The following CSMD1 variants were observed in gnomAD, a reference collection of about 807,000 sequenced individuals.
CSMD1 encodes CUB and sushi domain-containing protein 1.
CSMD1 carries 213 observed loss-of-function variants against 417.5 expected under a neutral mutation model. The ratio of observed to expected loss-of-function variants is 0.51; its 90% CI spans 0.46 to 0.57. CSMD1 has a LOEUF of 0.57. CSMD1 is among the 20% of genes least tolerant of loss of function. The probability of loss-of-function intolerance (pLI) is 0.00; values close to 1 mark genes in which losing one functional copy is unlikely to be tolerated. For synonymous variants in CSMD1, 2,862 were observed against 1,736.8 expected, an observed-to-expected ratio of 1.65 and a Z score of -16.11; for missense variants, 6,923 against 4,529.7, an observed-to-expected ratio of 1.53 and a Z score of -15.17.
chr8:4,235,006 A>G (rs1001049260), intron 3 of CSMD1, among the ~76,000 whole-genome samples: 22 of 152,270 alleles, frequency 1.4e-4, no homozygotes, highest in African/African-American at 3.6e-4. Flanking sequence ...AGCTCTAAAT[A>G]CCATCGTATT....
intron 1 of CSMD1, among the ~76,000 whole-genome samples, chr8:4,993,505 A>C (rs1435875337): frequency 6.6e-6 from 1 of 151,898 alleles, no homozygotes. Flanking sequence ...TAGGCTACTT[A>C]GAAGAAAACA....
chr8:3,834,684 T>C (rs191942575), intron 5 of CSMD1, among the ~76,000 whole-genome samples: 103 of 152,196 alleles, frequency 6.8e-4, no homozygotes, highest in Middle Eastern at 6.8e-3. Flanking sequence ...CCACAGAACG[T>C]GTAGTTGGTG....
At chr8:4,225,807 G>C (rs10105671) in intron 3 of CSMD1, among the ~76,000 whole-genome samples, 1 of 151,780 alleles carries the variant, frequency 6.6e-6, no homozygotes, top group Admixed American at 6.6e-5. Flanking sequence ...TTTATTGCAT[G>C]ACATTCTTAG....
intron 16 of CSMD1, among the ~76,000 whole-genome samples, chr8:3,397,852 T>C (rs957461828): frequency 6.6e-6 from 1 of 152,074 alleles, no homozygotes; most frequent in Non-Finnish European, 1.5e-5. Context: ...GGCAATACCA[T>C]CAGCACAGAG....
chr8:3,671,348 G>T (rs938492984), intron 7 of CSMD1, among the ~76,000 whole-genome samples: 1 of 147,520 alleles, frequency 6.8e-6, no homozygotes, highest in African/African-American at 2.5e-5. Context: ...ATGCTGTATT[G>T]TATTTAATTT....
At chr8:4,102,488 G>A (rs1303559903) in intron 3 of CSMD1, among the ~76,000 whole-genome samples, 2 of 152,150 alleles carry the variant, frequency 1.3e-5, no homozygotes, top group African/African-American at 4.8e-5. Flanking sequence ...TGTCACTTGA[G>A]GGGCAGAATT....
chr8:2,963,732 C>T (rs747455661), intron 59 of CSMD1, among the ~76,000 whole-genome samples: 66 of 152,052 alleles, frequency 4.3e-4, no homozygotes, highest in Non-Finnish European at 9.1e-4. Context: ...AAAGACAATT[C>T]GAATGAGGAT....
At chr8:4,074,504 C>T (rs897969763) in intron 3 of CSMD1, among the ~76,000 whole-genome samples, 37 of 152,036 alleles carry the variant, frequency 2.4e-4, no homozygotes, top group African/African-American at 8.7e-4. Context: ...AAGTTTGATA[C>T]TTTACAAAAC....
rs182805377 is a variant in CSMD1 at position 3,873,353 on chromosome 8, C to G, written c.819-119311G>C. On this transcript the variant is annotated intron_variant, in intron 5 of 69. Transcript: ENST00000635120. ...ATAAAGAAAATGTGATATGTATATA[C>G]CATATAATACTATCAAGACATAAAA... Among the ~76,000 whole-genome samples the G allele has an allele frequency of 3.9e-5, 6 of 151,958 alleles. No homozygotes were observed. In the South Asian group the frequency reaches 8.3e-4, roughly 21 times the overall value.
intron 3 of CSMD1, among the ~76,000 whole-genome samples, chr8:4,373,695 A>G (rs892040799): frequency 1.1e-4 from 17 of 152,228 alleles, no homozygotes; most frequent in African/African-American, 3.4e-4. Context: ...TTTAATTAGA[A>G]GGAAACATTT....
intron 1 of CSMD1, among the ~76,000 whole-genome samples, chr8:4,896,894 G>C (rs1804528450): frequency 6.6e-6 from 1 of 152,090 alleles, no homozygotes; most frequent in Admixed American, 6.5e-5. Context: ...AAAAGTAACA[G>C]TATCTTGGGC....
intron 1 of CSMD1, among the ~76,000 whole-genome samples, chr8:4,837,171 G>A (rs556877940): frequency 6.6e-6 from 1 of 152,092 alleles, no homozygotes; most frequent in Non-Finnish European, 1.5e-5. Context: ...AACACATGCG[G>A]GTGAGGATGG....
At chr8:3,409,902 T>C (rs1343262346) in intron 12 of CSMD1, among the ~76,000 whole-genome samples, 13 of 152,240 alleles carry the variant, frequency 8.5e-5, no homozygotes, top group Non-Finnish European at 2.9e-5. Context: ...TCTGGATACC[T>C]CCGATCTTTT....
Position 4,451,112 on chromosome 8 carries a change from G to A in CSMD1, c.303-31047C>T, listed in dbSNP as rs117998767. 5.4e-3 allele frequency among the ~76,000 whole-genome samples: 816 copies of A among 152,252 alleles called. 4 individuals are homozygous for A. Among genetic ancestry groups the A allele is most frequent in the Non-Finnish European group, 8.5e-3 (580 of 68,006 alleles). On this transcript the variant is annotated intron_variant, in intron 2 of 69. Transcript: ENST00000635120. Reference sequence around the variant, plus strand: ...AGGCCAAGGCAGGAGGATTACTCCTGAGTTCAAGAGATCCAGACTAGCCTG... The same window carrying A: ...AGGCCAAGGCAGGAGGATTACTCCTAAGTTCAAGAGATCCAGACTAGCCTG...
At chr8:4,796,390 G>A (rs949862871) in intron 1 of CSMD1, among the ~76,000 whole-genome samples, 4 of 151,862 alleles carry the variant, frequency 2.6e-5, no homozygotes, top group Non-Finnish European at 4.4e-5. Context: ...TGATCTCCCT[G>A]TCTAAGGGCA....
intron 5 of CSMD1, among the ~76,000 whole-genome samples, chr8:3,775,357 T>C (rs1798840416): frequency 6.6e-6 from 1 of 152,132 alleles, no homozygotes; most frequent in Non-Finnish European, 1.5e-5. Context: ...CTCTGAACCA[T>C]CTAGCAGACA....
chr8:3,351,729 A>G (rs182312173), intron 21 of CSMD1, among the ~76,000 whole-genome samples: 11 of 147,192 alleles, frequency 7.5e-5, no homozygotes, highest in Admixed American at 2.1e-4. Flanking sequence ...AATCAAATAT[A>G]TATTTAATAT....
At chr8:4,319,252 G>C (rs571941206) in intron 3 of CSMD1, among the ~76,000 whole-genome samples, 2 of 151,998 alleles carry the variant, frequency 1.3e-5, no homozygotes, top group African/African-American at 2.4e-5. Context: ...TTTCCCTTTT[G>C]CTTTCCTTCA....
intron 7 of CSMD1, among the ~76,000 whole-genome samples, chr8:3,645,045 C>G (rs1797510495): frequency 6.7e-6 from 1 of 148,784 alleles, no homozygotes; most frequent in Admixed American, 6.7e-5. Context: ...TACTCCTCAT[C>G]TGCCTCATGA....
Sources: allele counts gnomAD v4.1 joint callset (sites outside exome capture counted in the v4.1 genomes callset), GRCh38; gene constraint gnomAD v4.1.1; transcripts MANE v1.5; gene names NCBI Gene and HGNC (gene_info 2026-07-23, HGNC 2026-07-21).